Variants in CELF4 observed in about 807,000 individuals in gnomAD.
CELF4 encodes CUGBP Elav-like family member 4.
In CELF4, 18 loss-of-function variants were observed where a neutral mutation model predicts 59.9. That is an observed-to-expected ratio of 0.30 (90% CI 0.21 to 0.45). The LOEUF (loss-of-function observed/expected upper bound fraction) is 0.45, where lower values mean the gene tolerates loss of function less well. Ranked by LOEUF, CELF4 falls within the 20% of genes least tolerant of loss-of-function variation. CELF4 has a pLI of 1.00. For synonymous variants in CELF4, 261 were observed against 267.1 expected (o/e 0.98, Z 0.22); for missense variants, 456 against 689.0 (o/e 0.66, Z 3.79).
intron 2 of CELF4, among the ~76,000 whole-genome samples, chr18:37,430,010 C>A (rs547464104): frequency 6.6e-6 from 1 of 152,210 alleles, no homozygotes; most frequent in Non-Finnish European, 1.5e-5. Context: ...ACTGGCCACG[C>A]CCTTTGTCTC....
At position 37,259,278 on chromosome 18, in the gene CELF4, A is replaced by AGGGGGG; in HGVS notation, c.1250-15_1250-14insCCCCCC. 6.6e-6 allele frequency: 1 copy of AGGGGGG among 151,030 alleles called. No homozygotes were observed. Among genetic ancestry groups the AGGGGGG allele is most frequent in the Admixed American group, 8.4e-5 (1 of 11,884 alleles). 9.4% of individuals were successfully genotyped at this position (151,030 alleles called of 1,614,324 possible). A position where few individuals can be genotyped will look rare whatever the true frequency, so the allele number is the denominator to read the frequency against. Reference sequence around the variant, plus strand: ...AGCCCTCGGGCCCTGCGGTGAGGGGAGGGGGTGGGCGGGGGAGGAGGGATG... The same window carrying AGGGGGG: ...AGCCCTCGGGCCCTGCGGTGAGGGGAGGGGGGGGGGGTGGGCGGGGGAGGAGGGATG... On this transcript the variant is annotated splice_polypyrimidine_tract_variant and intron_variant, in intron 10 of 12. Coordinates refer to ENST00000420428, the MANE Select transcript of CELF4 (RefSeq NM_020180.4).
intron 2 of CELF4, among the ~76,000 whole-genome samples, chr18:37,408,095 C>T (rs1300506106): frequency 1.3e-5 from 2 of 152,192 alleles, no homozygotes; most frequent in African/African-American, 4.8e-5. Context: ...TTTGGAATAG[C>T]TCTGAATCAC....
chr18:37,516,715 G>T (rs2099950997), intron 1 of CELF4, among the ~76,000 whole-genome samples: 1 of 152,178 alleles, frequency 6.6e-6, no homozygotes, highest in South Asian at 2.1e-4. Flanking sequence ...ACCCAGGCAG[G>T]TCTGGCTCCA....
chr18:37,413,907 C>A (rs745884289), intron 2 of CELF4, among the ~76,000 whole-genome samples: 3 of 152,128 alleles, frequency 2.0e-5, no homozygotes, highest in Non-Finnish European at 2.9e-5. Context: ...CTCTCTGTAC[C>A]ATAAGTCTCC....
At chr18:37,450,574 A>G (rs1412109973) in intron 2 of CELF4, among the ~76,000 whole-genome samples, 1 of 151,662 alleles carries the variant, frequency 6.6e-6, no homozygotes, top group Non-Finnish European at 1.5e-5. Flanking sequence ...CAGCTGAAAC[A>G]GGCCTTAATT....
intron 2 of CELF4, among the ~76,000 whole-genome samples, chr18:37,477,845 G>A (rs950744250): frequency 2.0e-5 from 3 of 152,112 alleles, no homozygotes; most frequent in Non-Finnish European, 2.9e-5. Flanking sequence ...CGCTGCTGCC[G>A]CTGACTTGGG....
Position 37,465,239 on chromosome 18 carries a change from TG to T in CELF4, c.369+20285del, listed in dbSNP as rs1361810195. Reference sequence around the variant, plus strand: ...TGATTTCCAGAGGATCTTAGTGCCATGGGGACAGAAATGTGCTGCCCAGTCC... The same window carrying T: ...TGATTTCCAGAGGATCTTAGTGCCATGGGACAGAAATGTGCTGCCCAGTCC... On this transcript the variant is annotated intron_variant, in intron 2 of 12. Coordinates refer to ENST00000420428, the MANE Select transcript of CELF4 (RefSeq NM_020180.4). 2.0e-5 allele frequency among the ~76,000 whole-genome samples: 3 copies of T among 152,302 alleles called. No homozygotes were observed. The East Asian group carries it at 5.8e-4, about 29-fold the overall frequency.
intron 2 of CELF4, among the ~76,000 whole-genome samples, chr18:37,366,210 G>A (rs1215250968): frequency 6.6e-6 from 1 of 152,158 alleles, no homozygotes; most frequent in African/African-American, 2.4e-5. Flanking sequence ...ACTCAACAGG[G>A]TAGGGCTGGG....
chr18:37,367,568 C>T (rs902193910), intron 2 of CELF4, among the ~76,000 whole-genome samples: 1 of 152,062 alleles, frequency 6.6e-6, no homozygotes, highest in South Asian at 2.1e-4. Context: ...CTAATGAGAT[C>T]TGGTGTTGGG....
chr18:37,321,923 G>A (rs772855201), intron 2 of CELF4, 42 bp from the exon 3 acceptor site: 26 of 1,540,844 alleles, frequency 1.7e-5, no homozygotes, highest in South Asian at 1.2e-4. Context: ...GCAGGCCTGC[G>A]GGTGAGGGGA....
chr18:37,397,265 G>A (rs1022783123), intron 2 of CELF4, among the ~76,000 whole-genome samples: 9 of 146,310 alleles, frequency 6.2e-5, no homozygotes, highest in Non-Finnish European at 9.0e-5. Context: ...CATTTAAAGA[G>A]ATGCTTTCAT....
chr18:37,284,949 C>T (rs1023354911), intron 3 of CELF4, among the ~76,000 whole-genome samples: 8 of 152,204 alleles, frequency 5.3e-5, no homozygotes, highest in African/African-American at 1.7e-4. Context: ...TCTTCCTTTT[C>T]CCCCCAGGCA....
chr18:37,534,050 G>A (rs1305236537), intron 1 of CELF4, among the ~76,000 whole-genome samples: 2 of 152,238 alleles, frequency 1.3e-5, no homozygotes, highest in East Asian at 1.9e-4. Flanking sequence ...GCTGGGCCCC[G>A]ATGGATTCCC....
At chr18:37,279,899 C>A (rs1355228422) in intron 3 of CELF4, among the ~76,000 whole-genome samples, 1 of 152,240 alleles carries the variant, frequency 6.6e-6, no homozygotes, top group African/African-American at 2.4e-5. Context: ...CTCAACCCAG[C>A]CTCATGGGGT....
Position 37,273,422 on chromosome 18 carries a change from G to A in CELF4, c.802-259C>T, listed in dbSNP as rs1474244835. On this transcript the variant is annotated intron_variant, in intron 6 of 12. Transcript: ENST00000420428. ...TCCAAAGTTGTTGCTAGGGGCAGAG[G>A]AGGAGACTGGCTCTGTGGGTGCTAG... 3.3e-6 allele frequency: 4 copies of A among 1,216,596 alleles called. No individual in the cohort carries two copies. The African/African-American group carries it at 4.6e-5, about 14-fold the overall frequency. The allele number at this position is 1,216,596 out of a possible 1,614,324, so 75.4% of individuals were successfully genotyped here.
chr18:37,402,870 C>A (rs1388378963), intron 2 of CELF4, among the ~76,000 whole-genome samples: 1 of 152,198 alleles, frequency 6.6e-6, no homozygotes, highest in Non-Finnish European at 1.5e-5. Flanking sequence ...AAGGACCCCT[C>A]TTCTGAGGAG....
intron 1 of CELF4, among the ~76,000 whole-genome samples, chr18:37,504,696 C>T (rs2099935691): frequency 6.6e-6 from 1 of 152,150 alleles, no homozygotes; most frequent in Non-Finnish European, 1.5e-5. Flanking sequence ...GAAGCACTGC[C>T]TCGGGCGAGG....
At chr18:37,483,518 C>G (rs2099874832) in intron 2 of CELF4, among the ~76,000 whole-genome samples, 1 of 152,182 alleles carries the variant, frequency 6.6e-6, no homozygotes, top group Non-Finnish European at 1.5e-5. Flanking sequence ...CCCCCCTCCC[C>G]GTCCCAACAT....
rs77454890 is a variant in CELF4 at position 37,268,844 on chromosome 18, T to C, written c.1099+1924A>G. ...CGGGTCCAAACTCCGCATTTAAAGATGGTAAATTAATTTTTTTAATGTACT... is the reference window on the plus strand; with the variant it reads ...CGGGTCCAAACTCCGCATTTAAAGACGGTAAATTAATTTTTTTAATGTACT... On this transcript the variant is annotated intron_variant, in intron 8 of 12. Coordinates refer to ENST00000420428, the MANE Select transcript of CELF4 (RefSeq NM_020180.4). Among the ~76,000 whole-genome samples, 33 of 152,334 alleles carry C rather than the reference T, an allele frequency of 2.2e-4. No individual in the cohort carries two copies. In the East Asian group the frequency reaches 5.8e-3, roughly 27 times the overall value.
Sources: allele counts gnomAD v4.1 joint callset (sites outside exome capture counted in the v4.1 genomes callset), GRCh38; gene constraint gnomAD v4.1.1; transcripts MANE v1.5; gene names NCBI Gene and HGNC (gene_info 2026-07-23, HGNC 2026-07-21).